SHANK2: variants seen among roughly 807,000 people sequenced by gnomAD.
The protein encoded by SHANK2 is SH3 and multiple ankyrin repeat domains 2, also known as SH3 and multiple ankyrin repeat domains protein 2.
In SHANK2, 43 loss-of-function variants were observed where a neutral mutation model predicts 133.7. The observed-to-expected ratio is 0.32, with a 90% confidence interval of 0.25 to 0.41. The LOEUF (loss-of-function observed/expected upper bound fraction) is 0.41. SHANK2 is among the 10% of genes least tolerant of loss of function. The pLI is 1.00. For synonymous variants in SHANK2, 1,017 were observed against 952.8 expected, an observed-to-expected ratio of 1.07 and a Z score of -1.24; for missense variants, 1,994 against 2,235.8, an observed-to-expected ratio of 0.89 and a Z score of 2.18.
chr11:70,715,001 G>A (rs1402464544), intron 14 of SHANK2, among the ~76,000 whole-genome samples: 2 of 151,076 alleles, frequency 1.3e-5, no homozygotes, highest in African/African-American at 4.9e-5. Flanking sequence ...TAGAGATGAG[G>A]TCTATGTTGC....
At chr11:70,682,789 C>A (rs1247108546) in intron 15 of SHANK2, among the ~76,000 whole-genome samples, 2 of 152,028 alleles carry the variant, frequency 1.3e-5, no homozygotes, top group Non-Finnish European at 2.9e-5. Flanking sequence ...CTCTCAGGAC[C>A]CAAGAGCAGC....
At chr11:70,721,692 G>C (rs1555029228) in intron 14 of SHANK2, among the ~76,000 whole-genome samples, 1 of 152,196 alleles carries the variant, frequency 6.6e-6, no homozygotes, top group East Asian at 1.9e-4. Context: ...GGCAGGGCTG[G>C]GATGTGGGAC....
intron 10 of SHANK2, among the ~76,000 whole-genome samples, chr11:70,938,919 T>C (rs1555083866): frequency 1.3e-5 from 2 of 151,796 alleles, no homozygotes; most frequent in African/African-American, 4.8e-5. Context: ...CGACCCCATG[T>C]GTAATCTAGA....
chr11:70,955,585 T>C (rs1950909286), intron 10 of SHANK2, among the ~76,000 whole-genome samples: 1 of 152,150 alleles, frequency 6.6e-6, no homozygotes, highest in Non-Finnish European at 1.5e-5. Context: ...AGATTTATTT[T>C]AAGGGATTGG....
At chr11:70,548,893 G>A (rs1021230958) in intron 17 of SHANK2, among the ~76,000 whole-genome samples, 28 of 152,138 alleles carry the variant, frequency 1.8e-4, no homozygotes, top group Non-Finnish European at 2.8e-4. Context: ...GCAGAGATGG[G>A]GGCTGCTGCT....
chr11:70,782,588 A>C (rs1947526942), intron 14 of SHANK2, among the ~76,000 whole-genome samples: 1 of 152,186 alleles, frequency 6.6e-6, no homozygotes, highest in Admixed American at 6.5e-5. Flanking sequence ...AAAAAGGCAA[A>C]CCACGCTGTG....
intron 2 of SHANK2, among the ~76,000 whole-genome samples, chr11:71,206,722 G>A (rs1161628493): frequency 6.6e-6 from 1 of 152,164 alleles, no homozygotes; most frequent in Non-Finnish European, 1.5e-5. Flanking sequence ...GGTCACTCGA[G>A]GCCAGGCATT....
intron 17 of SHANK2, among the ~76,000 whole-genome samples, chr11:70,613,760 C>CTTTTT (rs1443708855): frequency 1.5e-4 from 3 of 20,392 alleles, no homozygotes; most frequent in Non-Finnish European, 1.9e-4. Context: ...AAGAGGGGAA[C>CTTTTT]TTGTTTTTTT....
chr11:70,543,272 G>C (rs904013093), intron 17 of SHANK2, among the ~76,000 whole-genome samples: 7 of 152,182 alleles, frequency 4.6e-5, no homozygotes, highest in Non-Finnish European at 1.0e-4. Context: ...ACCCTCCAGA[G>C]TGCTGAGTGT....
chr11:70,743,494 G>A (rs1946576675), intron 14 of SHANK2, among the ~76,000 whole-genome samples: 1 of 152,206 alleles, frequency 6.6e-6, no homozygotes, highest in Non-Finnish European at 1.5e-5. Context: ...TGTTGTTTGA[G>A]CCACACAGTC....
intron 6 of SHANK2, among the ~76,000 whole-genome samples, chr11:71,104,119 A>G (rs1951767020): frequency 6.6e-6 from 1 of 152,104 alleles, no homozygotes; most frequent in Non-Finnish European, 1.5e-5. Flanking sequence ...CTTTACAGCA[A>G]TGTGAAAATG....
chr11:71,248,088 C>G (rs1317149239), intron 1 of SHANK2, among the ~76,000 whole-genome samples: 1 of 152,252 alleles, frequency 6.6e-6, no homozygotes, highest in Non-Finnish European at 1.5e-5. Flanking sequence ...TCCCTAAACC[C>G]AGGGCAGGCT....
At chr11:70,937,309 A>G (rs782583345) in intron 10 of SHANK2, among the ~76,000 whole-genome samples, 1 of 152,202 alleles carries the variant, frequency 6.6e-6, no homozygotes, top group Non-Finnish European at 1.5e-5. Context: ...AAACTCCCCA[A>G]GTCATGTGGT....
At chr11:70,491,529 A>G (rs1393170581) in intron 22 of SHANK2, among the ~76,000 whole-genome samples, 2 of 152,274 alleles carry the variant, frequency 1.3e-5, no homozygotes. Flanking sequence ...ATTACAGAAA[A>G]GCCTTGTGGT....
At chr11:70,703,064 G>A (rs1945572918) in intron 14 of SHANK2, among the ~76,000 whole-genome samples, 1 of 152,256 alleles carries the variant, frequency 6.6e-6, no homozygotes, top group Non-Finnish European at 1.5e-5. Context: ...TCAAGGTCAT[G>A]GAGTCTGTCA....
chr11:71,101,127 A>G (rs1293305250), intron 6 of SHANK2, among the ~76,000 whole-genome samples: 1 of 152,174 alleles, frequency 6.6e-6, no homozygotes, highest in African/African-American at 2.4e-5. Flanking sequence ...GCTGTCAATA[A>G]CAGGCGAGCT....
intron 14 of SHANK2, among the ~76,000 whole-genome samples, chr11:70,699,093 C>T (rs1555023049): frequency 6.6e-6 from 1 of 152,194 alleles, no homozygotes; most frequent in Non-Finnish European, 1.5e-5. Flanking sequence ...CAGACCCCAA[C>T]AGGGCAGCCC....
intron 3 of SHANK2, among the ~76,000 whole-genome samples, chr11:71,132,188 C>T (rs1555103812): frequency 1.3e-5 from 2 of 152,200 alleles, no homozygotes; most frequent in Admixed American, 6.5e-5. Context: ...AGGGTGGAGG[C>T]TGGCGGGGAG....
At chr11:70,891,141 G>A (rs1949838770) in intron 11 of SHANK2, among the ~76,000 whole-genome samples, 1 of 152,232 alleles carries the variant, frequency 6.6e-6, no homozygotes, top group African/African-American at 2.4e-5. Context: ...CAGCGTATGC[G>A]GGCTCCTCTC....
Sources: gnomAD v4.1 joint callset for allele counts (sites outside exome capture counted in the v4.1 genomes callset) on GRCh38, gnomAD v4.1.1 for gene constraint, MANE v1.5 for transcripts, NCBI Gene and HGNC (gene_info 2026-07-23, HGNC 2026-07-21) for gene names.